The following ROR1 variants were observed in gnomAD, a reference collection of about 807,000 sequenced individuals.
ROR1 encodes ROR family WNT receptor 1, also known as inactive tyrosine-protein kinase transmembrane receptor ROR1.
In ROR1, 19 loss-of-function variants were observed where a neutral mutation model predicts 78.8. That is an observed-to-expected ratio of 0.24 (90% CI 0.17 to 0.35). The LOEUF (loss-of-function observed/expected upper bound fraction) is 0.35, where lower values mean the gene tolerates loss of function less well. Among genes scored for constraint, ROR1 ranks in the 10% least tolerant of loss-of-function variants. The pLI, the probability that ROR1 is intolerant of heterozygous loss-of-function variation, is 1.00. For synonymous variants in ROR1, 386 were observed against 433.6 expected (o/e 0.89, Z 1.36); for missense variants, 917 against 1,177.8 (o/e 0.78, Z 3.24).
intron 1 of ROR1, among the ~76,000 whole-genome samples, chr1:63,790,741 G>A (rs564440000): frequency 6.6e-6 from 1 of 152,312 alleles, no homozygotes; most frequent in African/African-American, 2.4e-5. Flanking sequence ...CCTCCCTGTT[G>A]CTCTGCCCTT....
rs192401367 is a variant in ROR1, at chr1:63,966,262, C to T, written c.92-43043C>T. Reference sequence around the variant, plus strand: ...GTTCAGTTACTCAGAGCTGTCAAAGCGACAGTCGGAATCCCCTTCCTGGAG... The same window carrying T: ...GTTCAGTTACTCAGAGCTGTCAAAGTGACAGTCGGAATCCCCTTCCTGGAG... On this transcript the variant is annotated intron_variant, in intron 1 of 8. Coordinates refer to ENST00000371079, the MANE Select transcript of ROR1 (RefSeq NM_005012.4). Among the ~76,000 whole-genome samples, 100 of 152,292 alleles carry T rather than the reference C, an allele frequency of 6.6e-4. 1 individual carries two copies. Among genetic ancestry groups the T allele is most frequent in the Non-Finnish European group, 1.3e-3 (87 of 68,018 alleles).
intron 1 of ROR1, among the ~76,000 whole-genome samples, chr1:63,990,322 A>G (rs1000540408): frequency 5.9e-5 from 9 of 152,196 alleles, no homozygotes; most frequent in Non-Finnish European, 2.9e-5. Context: ...GTGGGTCTTC[A>G]GACATGAAAG....
chr1:63,799,167 G>A (rs1644780526), intron 1 of ROR1, among the ~76,000 whole-genome samples: 2 of 152,128 alleles, frequency 1.3e-5, no homozygotes, highest in Non-Finnish European at 2.9e-5. Context: ...TACATGTAAA[G>A]CCCCTGGAAT....
At chr1:64,155,856 G>T (rs1270031226) in intron 7 of ROR1, among the ~76,000 whole-genome samples, 1 of 152,050 alleles carries the variant, frequency 6.6e-6, no homozygotes, top group Non-Finnish European at 1.5e-5. Context: ...ATATGAAAAT[G>T]GTTTATAATG....
intron 1 of ROR1, among the ~76,000 whole-genome samples, chr1:63,798,552 G>T (rs1161636692): frequency 1.3e-5 from 2 of 152,240 alleles, no homozygotes; most frequent in Admixed American, 6.5e-5. Context: ...GTGGTTTGTT[G>T]TCTTGTCCAC....
chr1:63,933,863 GACCCAGAGCAAGTTCCGC>G (rs1238161561), intron 1 of ROR1, among the ~76,000 whole-genome samples: 1 of 152,186 alleles, frequency 6.6e-6, no homozygotes, highest in African/African-American at 2.4e-5. Context: ...GAACATACAA[GACCCAGAGCAAGTTCCGC>G]ACCTTCGTGT....
At chr1:64,109,332 G>C (rs897302137) in intron 4 of ROR1, among the ~76,000 whole-genome samples, 2 of 152,148 alleles carry the variant, frequency 1.3e-5, no homozygotes, top group Admixed American at 1.3e-4. Flanking sequence ...AGTCTTATGA[G>C]GCTGCTGTAG....
chr1:63,955,423 T>C (rs1645973246), intron 1 of ROR1, among the ~76,000 whole-genome samples: 1 of 152,156 alleles, frequency 6.6e-6, no homozygotes, highest in African/African-American at 2.4e-5. Flanking sequence ...TGGAGAGAAT[T>C]ATTTCAAAGG....
intron 1 of ROR1, among the ~76,000 whole-genome samples, chr1:63,797,230 A>G (rs146198052): frequency 5.4e-4 from 82 of 152,300 alleles, no homozygotes; most frequent in African/African-American, 1.9e-3. Context: ...TCTGTTAATT[A>G]ATTTATGGAT....
intron 1 of ROR1, among the ~76,000 whole-genome samples, chr1:63,990,012 A>G (rs1275713790): frequency 7.9e-5 from 12 of 152,032 alleles, no homozygotes. Flanking sequence ...AATTTTCTCC[A>G]TTTTGTTTTT....
chr1:64,061,506 G>A (rs1646916952), intron 4 of ROR1, among the ~76,000 whole-genome samples: 1 of 152,188 alleles, frequency 6.6e-6, no homozygotes, highest in Admixed American at 6.5e-5. Context: ...TTCTCAAGTT[G>A]TAATGTGCAT....
At chr1:63,934,902 T>C (rs755597118) in intron 1 of ROR1, among the ~76,000 whole-genome samples, 3 of 152,162 alleles carry the variant, frequency 2.0e-5, no homozygotes, top group Non-Finnish European at 1.5e-5. Context: ...ACATTGTAAA[T>C]TATTTTTTCA....
At position 64,013,011 on chromosome 1, in the gene ROR1, A is replaced by G. The variant is rs562592975; in HGVS notation, c.163+3635A>G. On this transcript the variant is annotated intron_variant, in intron 2 of 8. Transcript: ENST00000371079. ...ACTAGGTTTGAATCTTGACTCCACTATGCGTTTCCTGTGTGACTTTTAGCA... is the reference window on the plus strand; with the variant it reads ...ACTAGGTTTGAATCTTGACTCCACTGTGCGTTTCCTGTGTGACTTTTAGCA... Among the ~76,000 whole-genome samples the G allele has an allele frequency of 7.2e-5, 11 of 152,208 alleles. No individual in the cohort carries two copies. The South Asian group carries it at 1.9e-3, about 26-fold the overall frequency.
intron 1 of ROR1, among the ~76,000 whole-genome samples, chr1:63,846,594 C>T (rs1645083105): frequency 6.6e-6 from 1 of 152,144 alleles, no homozygotes; most frequent in Admixed American, 6.5e-5. Flanking sequence ...GAAAGAGCCA[C>T]TGAGATTAAA....
At chr1:63,842,680 T>A (rs891694644) in intron 1 of ROR1, among the ~76,000 whole-genome samples, 1 of 151,676 alleles carries the variant, frequency 6.6e-6, no homozygotes, top group Non-Finnish European at 1.5e-5. Flanking sequence ...CCTTTGCTCC[T>A]TCTTTTTTTT....
rs117624460 is a variant in ROR1 at position 64,078,977 on chromosome 1, A to G, written c.482+28261A>G. Reference sequence around the variant, plus strand: ...GGAGGAGGAGGAAAATGACTGCTAGAGAGAAAGGTGATGGATGGCATGTGA... The same window carrying G: ...GGAGGAGGAGGAAAATGACTGCTAGGGAGAAAGGTGATGGATGGCATGTGA... On this transcript the variant is annotated intron_variant, in intron 4 of 8. Coordinates refer to ENST00000371079, the MANE Select transcript of ROR1 (RefSeq NM_005012.4). Among the ~76,000 whole-genome samples the G allele has an allele frequency of 3.9e-4, 60 of 152,324 alleles. No individual in the cohort carries two copies. In the East Asian group the frequency reaches 0.011, roughly 28 times the overall value.
At chr1:63,905,597 TAGTTA>T (rs1645521840) in intron 1 of ROR1, among the ~76,000 whole-genome samples, 1 of 152,168 alleles carries the variant, frequency 6.6e-6, no homozygotes, top group Non-Finnish European at 1.5e-5. Flanking sequence ...GTGAAAACAC[TAGTTA>T]AGTTGAGGAT....
chr1:63,796,551 C>T (rs1542804), intron 1 of ROR1, among the ~76,000 whole-genome samples: 101,579 of 152,096 alleles, frequency 0.67, 34,443 homozygotes, highest in East Asian at 0.81. Flanking sequence ...AATATAGTTA[C>T]GAAGAATTTA....
Position 64,044,801 on chromosome 1 carries a change from T to C in ROR1, c.164-4890T>C, listed in dbSNP as rs549614197. Among the ~76,000 whole-genome samples, 7 of 152,324 alleles carry C rather than the reference T, an allele frequency of 4.6e-5. No homozygotes were observed. In the East Asian group the frequency reaches 1.4e-3, roughly 29 times the overall value. Reference sequence around the variant, plus strand: ...TAGTATTAATTGCCAATAATAAAATTTGAACTTTCCAGAAAAAGTTAGAAT... The same window carrying C: ...TAGTATTAATTGCCAATAATAAAATCTGAACTTTCCAGAAAAAGTTAGAAT... On this transcript the variant is annotated intron_variant, in intron 2 of 8. Transcript: ENST00000371079.
Sources: gnomAD v4.1 joint callset for allele counts (sites outside exome capture counted in the v4.1 genomes callset) on GRCh38, gnomAD v4.1.1 for gene constraint, MANE v1.5 for transcripts, NCBI Gene and HGNC (gene_info 2026-07-23, HGNC 2026-07-21) for gene names.